Variants in PCDH17 observed in about 807,000 individuals in gnomAD.
PCDH17 encodes the protein protocadherin-17.
A neutral mutation model predicts 67.7 loss-of-function variants in PCDH17; 21 were observed. The observed-to-expected ratio is 0.31, with a 90% CI of 0.22 to 0.45. The LOEUF is 0.45. PCDH17 is among the 20% of genes least tolerant of loss of function. PCDH17 has a pLI of 1.00. For missense variants in PCDH17, 1,471 were observed against 1,564.8 expected (o/e 0.94, Z 1.01); for synonymous variants, 701 against 656.7 (o/e 1.07, Z -1.03).
chr13:57,666,876 C>G, intron 3 of PCDH17, 43 bp downstream of exon 3: 2 of 1,492,000 alleles, frequency 1.3e-6, no homozygotes, highest in East Asian at 4.6e-5. Context: ...AAAGCTTAAG[C>G]AGTCATTATA....
At chr13:57,693,441 G>A (rs901296141) in intron 3 of PCDH17, among the ~76,000 whole-genome samples, 2 of 147,238 alleles carry the variant, frequency 1.4e-5, no homozygotes, top group Non-Finnish European at 3.0e-5. Flanking sequence ...TTCATACTTT[G>A]TTTTTTAAGG....
Position 57,727,575 on chromosome 13 carries a change from T to C in PCDH17, c.*2281T>C, listed in dbSNP as rs529580943. On this transcript the variant is annotated 3_prime_UTR_variant, in exon 4 of 4. Coordinates refer to ENST00000377918, the MANE Select transcript of PCDH17 (RefSeq NM_001040429.3). ...CTCTTGAGAACTATATTTTGGTTCC[T>C]AGTAACAGCCTTTCCAAAGCTCTAC... 4 of 152,304 alleles carry C rather than the reference T, an allele frequency of 2.6e-5. No individual in the cohort carries two copies. Among genetic ancestry groups the C allele is most frequent in the Non-Finnish European group, 4.4e-5 (3 of 67,998 alleles). 9.4% of individuals were successfully genotyped at this position (152,304 alleles called of 1,614,324 possible). A position where few individuals can be genotyped will look rare whatever the true frequency, so the allele number is the denominator to read the frequency against.
At chr13:57,683,131 A>G (rs9597587) in intron 3 of PCDH17, among the ~76,000 whole-genome samples, 43,569 of 151,720 alleles carry the variant, frequency 0.29, 6,499 homozygotes, top group Middle Eastern at 0.4. Context: ...CACAGTGGCC[A>G]TAGCCCATGT....
At chr13:57,647,909 G>A (rs955350042) in intron 1 of PCDH17, among the ~76,000 whole-genome samples, 1 of 151,734 alleles carries the variant, frequency 6.6e-6, no homozygotes, top group Non-Finnish European at 1.5e-5. Context: ...CCATACTTAT[G>A]ACTATGCAAG....
chr13:57,634,682 G>A lies in PCDH17; in HGVS notation c.2136G>A (p.Leu712=), dbSNP rs762805847. ...TGTCGCTGCCGCTCATCGTGACTCT[G>A]AGCACTATCTCCATCATCCTCCTAG... is the stretch of plus-strand genomic sequence containing the variant. ...WDMSLPLIVT[L]STISIILLAA... Residue 712 remains leucine, a synonymous_variant, in exon 1 of 4, where the codon CTG becomes CTA. Coordinates refer to ENST00000377918, the MANE Select transcript of PCDH17 (RefSeq NM_001040429.3). This position sits in a 1 kb window ranked among gnomAD's most constrained non-coding sequence, Gnocchi z 7.8. 2 of 1,613,720 alleles carry A rather than the reference G, an allele frequency of 1.2e-6. No individual in the cohort carries two copies. The highest frequency in any genetic ancestry group is 2.2e-5 in the East Asian group (1 of 44,836).
rs1196061461 is a variant in PCDH17, at chr13:57,631,866, A to G, written c.-681A>G. On this transcript the variant is annotated 5_prime_UTR_variant, in exon 1 of 4. It removes the in-frame stop codon of an upstream open reading frame in the 5' UTR. Coordinates refer to ENST00000377918, the MANE Select transcript of PCDH17 (RefSeq NM_001040429.3). ...GCCAGCAATGCAAGATTAGATCTCT[A>G]AATGCAGCAAAACACTGCCTGAAAA... The G allele has an allele frequency of 6.6e-6, 1 of 152,334 alleles. No homozygotes were observed. The highest frequency in any genetic ancestry group is 2.4e-5 in the African/African-American group (1 of 41,448). 9.4% of individuals were successfully genotyped at this position (152,334 alleles called of 1,614,324 possible). A position where few individuals can be genotyped will look rare whatever the true frequency, so the allele number is the denominator to read the frequency against.
intron 3 of PCDH17, among the ~76,000 whole-genome samples, chr13:57,696,991 T>C (rs893809050): frequency 6.6e-6 from 1 of 151,654 alleles, no homozygotes; most frequent in African/African-American, 2.4e-5. Flanking sequence ...TAATTTTTTT[T>C]GTATTTTTAA....
intron 1 of PCDH17, among the ~76,000 whole-genome samples, chr13:57,643,144 T>G (rs1954924090): frequency 6.6e-6 from 1 of 151,596 alleles, no homozygotes; most frequent in African/African-American, 2.4e-5. Flanking sequence ...TTACTGAATT[T>G]ATAAAGCAAT....
intron 3 of PCDH17, among the ~76,000 whole-genome samples, chr13:57,714,126 C>T (rs1325136545): frequency 1.3e-5 from 2 of 151,610 alleles, no homozygotes; most frequent in Non-Finnish European, 3.0e-5. Flanking sequence ...ATCCTATTGG[C>T]AGAGGTTGAT....
chr13:57,646,814 T>G (rs1432541475), intron 1 of PCDH17, among the ~76,000 whole-genome samples: 2 of 151,790 alleles, frequency 1.3e-5, no homozygotes, highest in Non-Finnish European at 3.0e-5. Context: ...GTCTAGGCAT[T>G]ATACTAATAG....
intron 3 of PCDH17, among the ~76,000 whole-genome samples, chr13:57,699,286 T>A (rs1955640935): frequency 6.6e-6 from 1 of 152,046 alleles, no homozygotes; most frequent in African/African-American, 2.4e-5. Context: ...TATCTTTGTT[T>A]TTATATCCCC....
rs1566213658 is a variant in PCDH17, at chr13:57,634,041, C to T, written c.1495C>T (p.Pro499Ser). Residue 499 changes from proline (P) to serine (S), a missense_variant, in exon 1 of 4, where the codon CCC becomes TCC. Coordinates refer to ENST00000377918, the MANE Select transcript of PCDH17 (RefSeq NM_001040429.3). The surrounding 1 kb of genome is among the most constrained non-coding windows in gnomAD (Gnocchi z 7.8). ...EYLGSVLAQD[P>S]DLGQNGTVSY... ...CCTGGGCTCTGTGCTCGCCCAGGAT[C>T]CCGACCTGGGCCAGAACGGCACCGT... 6.2e-7 allele frequency: 1 copy of T among 1,613,410 alleles called. No homozygotes were observed. The highest frequency in any genetic ancestry group is 8.5e-7 in the Non-Finnish European group (1 of 1,180,010).
chr13:57,711,887 A>G (rs549732084), intron 3 of PCDH17, among the ~76,000 whole-genome samples: 44 of 151,518 alleles, frequency 2.9e-4, no homozygotes, highest in African/African-American at 1.1e-3. Context: ...CTTAGGATGT[A>G]TACTTTTTAA....
At chr13:57,673,741 G>A (rs889555236) in intron 3 of PCDH17, among the ~76,000 whole-genome samples, 17 of 151,976 alleles carry the variant, frequency 1.1e-4, no homozygotes, top group South Asian at 4.1e-4. Flanking sequence ...CACATAGATG[G>A]CATCTAAGAA....
Position 57,632,991 on chromosome 13 carries a change from A to C in PCDH17, c.445A>C (p.Thr149Pro). ...MDISENAAPG[T>P]RFPLTSAHDP... The stretch of plus-strand genomic sequence containing the variant: ...CATCTCGGAGAACGCTGCTCCGGGC[A>C]CCCGCTTCCCCCTCACCAGCGCACA... The change falls in exon 1 of 4, where the codon ACC becomes CCC. Residue 149 changes from threonine (T) to proline (P), a missense_variant. Coordinates refer to ENST00000377918, the MANE Select transcript of PCDH17 (RefSeq NM_001040429.3). 1 of 1,612,914 alleles carries C rather than the reference A, an allele frequency of 6.2e-7. No homozygotes were observed. The highest frequency in any genetic ancestry group is 8.5e-7 in the Non-Finnish European group (1 of 1,179,932).
chr13:57,696,037 T>C (rs1339999497), intron 3 of PCDH17, among the ~76,000 whole-genome samples: 1 of 151,384 alleles, frequency 6.6e-6, no homozygotes, highest in Non-Finnish European at 1.5e-5. Context: ...GTGGTCTCTC[T>C]TTGAAGATGA....
chr13:57,656,606 T>C (rs545321422), intron 1 of PCDH17, among the ~76,000 whole-genome samples: 5 of 152,218 alleles, frequency 3.3e-5, no homozygotes, highest in African/African-American at 7.2e-5. Flanking sequence ...AGATATTTCT[T>C]TCAGTGGGAA....
intron 3 of PCDH17, among the ~76,000 whole-genome samples, chr13:57,698,258 CAT>C (rs1442664533): frequency 2.0e-5 from 3 of 151,244 alleles, no homozygotes; most frequent in Non-Finnish European, 3.0e-5. Flanking sequence ...CACACACACA[CAT>C]AGAGTTTGTC....
chr13:57,704,693 T>C (rs1221417243), intron 3 of PCDH17, among the ~76,000 whole-genome samples: 1 of 152,068 alleles, frequency 6.6e-6, no homozygotes, highest in Admixed American at 6.6e-5. Flanking sequence ...TATTGATTTT[T>C]CATTTAAAGA....
Sources: gnomAD v4.1 joint callset for allele counts (sites outside exome capture counted in the v4.1 genomes callset) on GRCh38, gnomAD v4.1.1 for gene constraint, Gnocchi (gnomAD v3.1) non-coding constraint, MANE v1.5 for transcripts, NCBI Gene and HGNC (gene_info 2026-07-23, HGNC 2026-07-21) for gene names.